Variants in CENPP observed in about 807,000 individuals in gnomAD.
CENPP encodes centromere protein P.
Under a neutral mutation model 35.6 loss-of-function variants are expected in CENPP, and 24 were observed. The observed-to-expected ratio is 0.67, with a 90% confidence interval of 0.49 to 0.95. CENPP has a LOEUF of 0.95. Ranked by LOEUF, CENPP falls within the 40% of genes least tolerant of loss-of-function variation. The pLI, the probability that CENPP is intolerant of heterozygous loss-of-function variation, is 0.00. For synonymous variants in CENPP, 120 were observed against 125.5 expected, an observed-to-expected ratio of 0.96 and a Z score of 0.29; for missense variants, 332 against 345.3, an observed-to-expected ratio of 0.96 and a Z score of 0.31.
chr9:92,373,920 T>C (rs1180547813), intron 4 of CENPP, among the ~76,000 whole-genome samples: 1 of 152,194 alleles, frequency 6.6e-6, no homozygotes, highest in Non-Finnish European at 1.5e-5. Context: ...GGTTTCTTTG[T>C]AGGTGTCCTG....
intron 5 of CENPP, among the ~76,000 whole-genome samples, chr9:92,556,927 G>A (rs964279829): frequency 2.6e-5 from 4 of 152,120 alleles, no homozygotes; most frequent in African/African-American, 9.7e-5. Flanking sequence ...TATAGGTCCT[G>A]TGTGATTTAT....
chr9:92,338,687 CTA>C (rs1326035946), intron 3 of CENPP, among the ~76,000 whole-genome samples: 1 of 151,718 alleles, frequency 6.6e-6, no homozygotes, highest in Non-Finnish European at 1.5e-5. Flanking sequence ...GGAGGGCTGA[CTA>C]TATTTATTAA....
chr9:92,569,430 A>G (rs1564006227), intron 5 of CENPP, among the ~76,000 whole-genome samples: 1 of 152,078 alleles, frequency 6.6e-6, no homozygotes, highest in East Asian at 1.9e-4. Flanking sequence ...GTTCTGTTCC[A>G]TTGGTCTATA....
intron 5 of CENPP, chr9:92,505,474 T>G: frequency 5.2e-6 from 7 of 1,358,252 alleles, no homozygotes; most frequent in Non-Finnish European, 7.1e-6. Context: ...TATATTTTGT[T>G]GTAGTGTACC....
intron 5 of CENPP, among the ~76,000 whole-genome samples, chr9:92,455,493 G>T (rs1844847216): frequency 6.6e-6 from 1 of 152,060 alleles, no homozygotes; most frequent in Non-Finnish European, 1.5e-5. Flanking sequence ...GATGTACAGG[G>T]CAGCCCCTGC....
chr9:92,378,271 C>A (rs1564285911), intron 4 of CENPP, among the ~76,000 whole-genome samples: 2 of 152,134 alleles, frequency 1.3e-5, no homozygotes, highest in African/African-American at 4.8e-5. Context: ...GGCACAGCTC[C>A]TTTTTGGCAT....
chr9:92,474,582 A>G, intron 5 of CENPP: 1 of 1,572,786 alleles, frequency 6.4e-7, no homozygotes, highest in Non-Finnish European at 8.6e-7. Flanking sequence ...TTGTCAGAAT[A>G]GCATTACTAT....
At chr9:92,388,547 CAA>C (rs111602359) in intron 5 of CENPP, among the ~76,000 whole-genome samples, 4 of 138,416 alleles carry the variant, frequency 2.9e-5, no homozygotes, top group African/African-American at 1.0e-4. Context: ...AACTTTAAAA[CAA>C]AAAAAAAAAG....
intron 5 of CENPP, chr9:92,493,933 C>G (rs1846240425): frequency 5.1e-6 from 3 of 583,136 alleles, no homozygotes; most frequent in Middle Eastern, 4.2e-4. Context: ...AGGCACCGGT[C>G]TGGATCTGCT....
At chr9:92,432,802 A>G (rs954506347) in intron 5 of CENPP, among the ~76,000 whole-genome samples, 5 of 152,232 alleles carry the variant, frequency 3.3e-5, no homozygotes, top group Admixed American at 1.3e-4. Context: ...GGACTAGGAA[A>G]GGGTGGAAAG....
At chr9:92,479,293 A>G (rs1845827912) in intron 5 of CENPP, among the ~76,000 whole-genome samples, 1 of 152,174 alleles carries the variant, frequency 6.6e-6, no homozygotes, top group African/African-American at 2.4e-5. Context: ...TGAGACTGAT[A>G]AGTTACAGGA....
chr9:92,580,765 G>A (rs200658602), intron 5 of CENPP, among the ~76,000 whole-genome samples: 3,524 of 116,436 alleles, frequency 0.03, no homozygotes, highest in Non-Finnish European at 0.034. Flanking sequence ...TCCTGGATTC[G>A]TTAATTTTTG....
At chr9:92,386,233 A>C in intron 5 of CENPP, 1 of 1,613,298 alleles carries the variant, frequency 6.2e-7, no homozygotes, top group African/African-American at 1.3e-5. Context: ...CTTTCTGGTA[A>C]ATTAAGAGGC....
At chr9:92,449,672 G>A (rs1588137049) in intron 5 of CENPP, among the ~76,000 whole-genome samples, 1 of 152,076 alleles carries the variant, frequency 6.6e-6, no homozygotes, top group South Asian at 2.1e-4. Context: ...GATCATGGGG[G>A]CGGATTTTCC....
At chr9:92,367,075 T>C (rs1166229635) in intron 4 of CENPP, among the ~76,000 whole-genome samples, 2 of 152,234 alleles carry the variant, frequency 1.3e-5, no homozygotes, top group Non-Finnish European at 2.9e-5. Flanking sequence ...CAAGAAATCA[T>C]ATCAGATTCT....
At chr9:92,453,867 C>G (rs939521827) in intron 5 of CENPP, among the ~76,000 whole-genome samples, 6 of 152,048 alleles carry the variant, frequency 3.9e-5, no homozygotes, top group Non-Finnish European at 7.4e-5. Context: ...CGCCTGTAAT[C>G]CCATCTACTC....
Position 92,613,451 on chromosome 9 carries a change from A to G in CENPP, c.*302A>G. ...TGTGGGGAGGATCCATCCCCCACCC[A>G]CTGCAGCCTCACACCGAGTCCACCT... On this transcript the variant is annotated 3_prime_UTR_variant, in exon 8 of 8. Coordinates refer to ENST00000375587, the MANE Select transcript of CENPP (RefSeq NM_001012267.3). The G allele has an allele frequency of 3.1e-6, 1 of 324,432 alleles. No homozygotes were observed. The highest frequency in any genetic ancestry group is 6.0e-6 in the Non-Finnish European group (1 of 167,560). The allele number at this position is 324,432 out of a possible 1,614,324, so 20.1% of individuals were successfully genotyped here. A position where few individuals can be genotyped will look rare whatever the true frequency, so the allele number is the denominator to read the frequency against.
chr9:92,370,003 TTTG>T (rs1841972954), intron 4 of CENPP, among the ~76,000 whole-genome samples: 1 of 152,192 alleles, frequency 6.6e-6, no homozygotes, highest in South Asian at 2.1e-4. Context: ...CCATGCTTAG[TTTG>T]TTGAGTGTTT....
At chr9:92,610,825 G>A (rs1027244768) in intron 5 of CENPP, 9 of 181,422 alleles carry the variant, frequency 5.0e-5, no homozygotes, top group Non-Finnish European at 4.6e-5. Context: ...ACGGACAGGC[G>A]AGGGGCGTCC....
Sources: allele counts gnomAD v4.1 joint callset (sites outside exome capture counted in the v4.1 genomes callset), GRCh38; gene constraint gnomAD v4.1.1; transcripts MANE v1.5; gene names NCBI Gene and HGNC (gene_info 2026-07-23, HGNC 2026-07-21).